Variants in HHAT observed in about 807,000 individuals in gnomAD.
The protein encoded by HHAT is hedgehog acyltransferase.
In HHAT, 47 loss-of-function variants were observed where a neutral mutation model predicts 70.8. The ratio of observed to expected loss-of-function variants is 0.66; its 90% CI spans 0.53 to 0.85. The LOEUF (loss-of-function observed/expected upper bound fraction) is 0.85, where lower values mean the gene tolerates loss of function less well. Ranked by LOEUF, HHAT falls within the 40% of genes least tolerant of loss-of-function variation. The probability of loss-of-function intolerance (pLI) is 0.00; values close to 1 mark genes in which losing one functional copy is unlikely to be tolerated. For missense variants in HHAT, 609 were observed against 604.8 expected (o/e 1.01, Z -0.07); for synonymous variants, 228 against 247.6 (o/e 0.92, Z 0.74).
intron 5 of HHAT, 70 bp from the exon 6 acceptor site, chr1:210,404,394 C>A: frequency 8.2e-7 from 1 of 1,225,314 alleles, no homozygotes; most frequent in Non-Finnish European, 1.2e-6. Context: ...TGCTGGCCAG[C>A]ACCTGCAGTG....
chr1:210,653,792 C>T (rs1223903629), intron 11 of HHAT, among the ~76,000 whole-genome samples: 2 of 111,352 alleles, frequency 1.8e-5, no homozygotes, highest in African/African-American at 6.7e-5. Context: ...GCCAGAGCAG[C>T]TGAGGTGCTG....
rs772327531 is a variant in HHAT at position 210,551,279 on chromosome 1, G to A, written c.1044-36619G>A. 1.9e-4 allele frequency among the ~76,000 whole-genome samples: 29 copies of A among 148,758 alleles called. 1 individual carries two copies. Among genetic ancestry groups the A allele is most frequent in the Non-Finnish European group, 4.1e-4 (28 of 67,866 alleles). On this transcript the variant is annotated intron_variant, in intron 9 of 11. Coordinates refer to ENST00000261458, the MANE Select transcript of HHAT (RefSeq NM_018194.6). Reference sequence around the variant, plus strand: ...GGGAGAGAGGGGATGTCCCAGCGGCGAGCAAAAGCAGAATCCTTAGCACCC... The same window carrying A: ...GGGAGAGAGGGGATGTCCCAGCGGCAAGCAAAAGCAGAATCCTTAGCACCC...
At chr1:210,450,043 C>T (rs1329966404) in intron 7 of HHAT, among the ~76,000 whole-genome samples, 3 of 152,128 alleles carry the variant, frequency 2.0e-5, no homozygotes, top group Non-Finnish European at 4.4e-5. Flanking sequence ...CCCTGTTATC[C>T]TGCACTTTGG....
At chr1:210,334,178 A>AATTTTTTTTTTTT (rs2085258447) in intron 1 of HHAT, among the ~76,000 whole-genome samples, 1 of 99,956 alleles carries the variant, frequency 1.0e-5, no homozygotes, top group Non-Finnish European at 2.0e-5. Context: ...TTAGCGTGTC[A>AATTTTTTTTTTTT]TTTTTTTTTT....
chr1:210,501,591 A>G (rs1471077263), intron 8 of HHAT, among the ~76,000 whole-genome samples: 2 of 152,248 alleles, frequency 1.3e-5, no homozygotes, highest in African/African-American at 4.8e-5. Flanking sequence ...GAAGCAGCTA[A>G]CAAAACCCAT....
intron 6 of HHAT, among the ~76,000 whole-genome samples, chr1:210,414,107 T>A (rs966435322): frequency 3.3e-5 from 5 of 152,216 alleles, no homozygotes; most frequent in African/African-American, 1.2e-4. Flanking sequence ...AATTCCATGA[T>A]CAGTGAGTTG....
chr1:210,604,245 A>ATTTTTTTTTT (rs11446633), intron 10 of HHAT, among the ~76,000 whole-genome samples: 1 of 141,584 alleles, frequency 7.1e-6, no homozygotes. Flanking sequence ...AAGCCCAGCT[A>ATTTTTTTTTT]TTTTTTTTTT....
chr1:210,468,997 G>T (rs2094153978), intron 8 of HHAT, among the ~76,000 whole-genome samples: 2 of 152,116 alleles, frequency 1.3e-5, no homozygotes, highest in South Asian at 4.1e-4. Context: ...TCATAGGGGT[G>T]CTATGAGGAT....
chr1:210,372,551 A>G (rs567902946), intron 3 of HHAT, among the ~76,000 whole-genome samples: 1 of 152,200 alleles, frequency 6.6e-6, no homozygotes, highest in East Asian at 1.9e-4. Flanking sequence ...GTACAAAACC[A>G]TCATTGAACT....
At chr1:210,540,801 C>T (rs116657408) in intron 9 of HHAT, among the ~76,000 whole-genome samples, 320 of 152,132 alleles carry the variant, frequency 2.1e-3, no homozygotes, top group African/African-American at 7.0e-3. Context: ...TGCCTCACCA[C>T]ACCCAGCTTA....
chr1:210,431,941 A>G (rs1007428452), intron 7 of HHAT, among the ~76,000 whole-genome samples: 3 of 151,924 alleles, frequency 2.0e-5, no homozygotes, highest in Non-Finnish European at 2.9e-5. Flanking sequence ...TAATTGTTTT[A>G]TTCGACTCTT....
At chr1:210,460,898 G>A (rs760376113) in intron 7 of HHAT, among the ~76,000 whole-genome samples, 8 of 152,100 alleles carry the variant, frequency 5.3e-5, no homozygotes, top group African/African-American at 9.7e-5. Flanking sequence ...TCCATTTGCC[G>A]TACCCTCTGC....
At chr1:210,342,086 T>C (rs946086373) in intron 1 of HHAT, among the ~76,000 whole-genome samples, 1 of 152,104 alleles carries the variant, frequency 6.6e-6, no homozygotes, top group African/African-American at 2.4e-5. Flanking sequence ...CCCTACCAGC[T>C]TCTGGACTAT....
chr1:210,467,558 T>G (rs747649549), intron 8 of HHAT, among the ~76,000 whole-genome samples: 1 of 152,234 alleles, frequency 6.6e-6, no homozygotes, highest in Non-Finnish European at 1.5e-5. Flanking sequence ...GCTCTCTTCC[T>G]AGATTTAGGT....
intron 9 of HHAT, among the ~76,000 whole-genome samples, chr1:210,572,549 T>G (rs1656574731): frequency 6.6e-6 from 1 of 152,184 alleles, no homozygotes; most frequent in Admixed American, 6.5e-5. Context: ...AACGTGCTAC[T>G]AGGAAACAGT....
intron 4 of HHAT, among the ~76,000 whole-genome samples, chr1:210,392,213 G>A (rs574985445): frequency 3.3e-5 from 5 of 152,164 alleles, no homozygotes; most frequent in African/African-American, 1.2e-4. Context: ...AGAATGAAAT[G>A]ATGGGCAGAA....
intron 10 of HHAT, among the ~76,000 whole-genome samples, chr1:210,614,825 G>A (rs1258252048): frequency 6.6e-6 from 1 of 152,172 alleles, no homozygotes; most frequent in African/African-American, 2.4e-5. Flanking sequence ...TGGACATTTG[G>A]GTTGGTTCCA....
chr1:210,456,862 C>T (rs1355019400), intron 7 of HHAT, among the ~76,000 whole-genome samples: 1 of 152,148 alleles, frequency 6.6e-6, no homozygotes, highest in Admixed American at 6.5e-5. Context: ...GGTCAAGCTT[C>T]ACGTGAGGTG....
intron 8 of HHAT, among the ~76,000 whole-genome samples, chr1:210,494,605 G>A (rs551611855): frequency 2.0e-4 from 26 of 128,392 alleles, no homozygotes; most frequent in African/African-American, 5.4e-4. Flanking sequence ...AGGCTGGAGT[G>A]CAATGGTGCA....
Sources: allele counts gnomAD v4.1 joint callset (sites outside exome capture counted in the v4.1 genomes callset), GRCh38; gene constraint gnomAD v4.1.1; transcripts MANE v1.5; gene names NCBI Gene and HGNC (gene_info 2026-07-23, HGNC 2026-07-21).